The following NDC80 variants were observed in gnomAD, a reference collection of about 807,000 sequenced individuals.
The protein encoded by NDC80 is kinetochore protein NDC80 homolog.
A neutral mutation model predicts 89.3 loss-of-function variants in NDC80; 69 were observed. The observed-to-expected ratio is 0.77, with a 90% CI of 0.64 to 0.94. The LOEUF is 0.94. Among genes scored for constraint, NDC80 ranks in the 40% least tolerant of loss-of-function variants. The pLI is 0.00. For synonymous variants in NDC80, 243 were observed against 255.6 expected, an observed-to-expected ratio of 0.95 and a Z score of 0.47; for missense variants, 593 against 739.6, an observed-to-expected ratio of 0.80 and a Z score of 2.30.
Position 2,610,817 on chromosome 18 carries a change from C to T in NDC80, c.1747C>T (p.Gln583Ter). ...AAGACGAAAAGTGGGAAATAACTTG[C>T]AACGTCTGTTAGAGATGGTTGCTAC... ...EERRKVGNNLQRLLEMVATHV... is the reference protein window; with the variant it reads ...EERRKVGNNL Residue 583 changes from glutamine to a stop codon, truncating the protein, a stop_gained, in exon 16 of 17, where the codon CAA becomes TAA. Transcript: ENST00000261597. LOFTEE classifies it high-confidence loss of function. 6.3e-7 allele frequency: 1 copy of T among 1,591,204 alleles called. No homozygotes were observed. The highest frequency in any genetic ancestry group is 2.3e-5 in the East Asian group (1 of 44,400).
chr18:2,577,713 G>A (rs1221282506), intron 3 of NDC80, 33 bp from the exon 4 acceptor site: 12 of 1,609,128 alleles, frequency 7.5e-6, no homozygotes, highest in Non-Finnish European at 1.0e-5. Context: ...GAAGCAAATA[G>A]TTTTAACTGG....
rs2084759844 is a variant in NDC80 at position 2,595,435 on chromosome 18, A to G, written c.1035A>G (p.Ile345Met). Reference protein sequence around the residue: ...IARVELECETIKQENTRLQNI... With the variant: ...IARVELECETMKQENTRLQNI... ...ACACAGAACTAGAATGTGAAACAAT[A>G]AAACAGGAGAACACTCGACTACAGA... is the stretch of plus-strand genomic sequence containing the variant. The change falls in exon 11 of 17, where the codon ATA becomes ATG. Residue 345 changes from isoleucine to methionine, a missense_variant. Physicochemically the swap from Ile to Met is conservative, Grantham distance 10. Coordinates refer to ENST00000261597, the MANE Select transcript of NDC80 (RefSeq NM_006101.3). 6.2e-7 allele frequency: 1 copy of G among 1,613,550 alleles called. No homozygotes were observed. The highest frequency in any genetic ancestry group is 1.7e-5 in the Admixed American group (1 of 59,988).
chr18:2,590,972 A>C (rs2072624801), intron 10 of NDC80, among the ~76,000 whole-genome samples: 1 of 152,126 alleles, frequency 6.6e-6, no homozygotes, highest in Non-Finnish European at 1.5e-5. Context: ...TCCTGGGTTC[A>C]AATAATCCTC....
intron 13 of NDC80, among the ~76,000 whole-genome samples, chr18:2,604,640 C>T (rs1319307242): frequency 6.6e-6 from 1 of 152,136 alleles, no homozygotes; most frequent in Non-Finnish European, 1.5e-5. Context: ...GAGATTGTGC[C>T]ACTGCACTCC....
At chr18:2,593,733 T>C (rs916130429) in intron 10 of NDC80, 3 of 221,098 alleles carry the variant, frequency 1.4e-5, no homozygotes, top group African/African-American at 7.1e-5. Context: ...TCTCATCATA[T>C]ACCAGTATAT....
intron 8 of NDC80, 109 bp downstream of exon 8, chr18:2,588,032 G>A (rs560666735): frequency 1.2e-5 from 9 of 727,006 alleles, no homozygotes; most frequent in East Asian, 2.8e-5. Flanking sequence ...TACTTTAAAT[G>A]TATCTGGATG....
intron 16 of NDC80, chr18:2,614,433 CTCAAAAAAAGAAAGAAAGAAAGAAAGAA>C (rs1224234477): frequency 1.1e-5 from 2 of 181,144 alleles, no homozygotes; most frequent in African/African-American, 5.5e-5. Context: ...AAGATGCTGT[CTCAAAAAAAGAAAGAAAGAAAGAAAGAA>C]AGAAAGAAAG....
chr18:2,578,971 C>A lies in NDC80; in HGVS notation c.521C>A (p.Ala174Asp). Residue 174 changes from alanine to aspartate, a missense_variant, in exon 6 of 17, where the codon GCT becomes GAT. By Grantham distance (126) the Ala-to-Asp change is moderately radical. Coordinates refer to ENST00000261597, the MANE Select transcript of NDC80 (RefSeq NM_006101.3). ...LSKSSMYTVGAPHTWPHIVAA... is the reference protein window; with the variant it reads ...LSKSSMYTVGDPHTWPHIVAA... ...AAAAGCTCCATGTACACAGTGGGGG[C>A]TCCTCATACATGGCCTCACATTGTG... 1 of 1,571,780 alleles carries A rather than the reference C, an allele frequency of 6.4e-7. No homozygotes were observed. Among genetic ancestry groups the A allele is most frequent in the Non-Finnish European group, 8.6e-7 (1 of 1,159,158 alleles).
At chr18:2,607,083 T>G (rs1040153626) in intron 14 of NDC80, among the ~76,000 whole-genome samples, 1 of 152,200 alleles carries the variant, frequency 6.6e-6, no homozygotes, top group African/African-American at 2.4e-5. Flanking sequence ...TGCCAATATT[T>G]TTTACTTATG....
In NDC80 at chr18:2,589,286, G is replaced by A. The variant is rs139422913; in HGVS notation, c.846G>A (p.Leu282=). The A allele has an allele frequency of 2.5e-6, 4 of 1,613,262 alleles. No individual in the cohort carries two copies. In the African/African-American group the frequency reaches 5.3e-5, roughly 22 times the overall value. The stretch of plus-strand genomic sequence containing the variant: ...CATTGAATGAACAGATTGCAAGATT[G>A]GAACAAGAAAGAGAAAAAGAACCGG... ...NRALNEQIAR[L]EQEREKEPNR... The change falls in exon 9 of 17, where the codon TTG becomes TTA. Residue 282 remains leucine (L), a synonymous_variant. Coordinates refer to ENST00000261597, the MANE Select transcript of NDC80 (RefSeq NM_006101.3).
In NDC80 at chr18:2,574,104, A is replaced by T. The variant is rs189884932; in HGVS notation, c.102-885A>T. On this transcript the variant is annotated intron_variant, in intron 2 of 16. Coordinates refer to ENST00000261597, the MANE Select transcript of NDC80 (RefSeq NM_006101.3). ...ACCTACACTTTTCTTTCTCTTGGTAAATAAGTGAAATAAGCAGGGAACAGA... is the reference window on the plus strand; with the variant it reads ...ACCTACACTTTTCTTTCTCTTGGTATATAAGTGAAATAAGCAGGGAACAGA... Among the ~76,000 whole-genome samples the T allele has an allele frequency of 1.8e-4, 27 of 152,308 alleles. No homozygotes were observed. The East Asian group carries it at 2.9e-3, about 16-fold the overall frequency.
intron 10 of NDC80, among the ~76,000 whole-genome samples, chr18:2,593,015 T>TGTGG (rs1277066563): frequency 1.7e-5 from 1 of 59,462 alleles, no homozygotes; most frequent in Admixed American, 1.4e-4. Context: ...TAAACTCTGG[T>TGTGG]GTGTGTGTGT....
At chr18:2,577,609 T>C in intron 3 of NDC80, 137 bp from the exon 4 acceptor site, 1 of 946,288 alleles carries the variant, frequency 1.1e-6, no homozygotes, top group Non-Finnish European at 1.6e-6. Flanking sequence ...TTCTCTGCTT[T>C]AAATAAGAGA....
chr18:2,611,715 T>A (rs2072745329), intron 16 of NDC80, among the ~76,000 whole-genome samples: 1 of 152,120 alleles, frequency 6.6e-6, no homozygotes, highest in Non-Finnish European at 1.5e-5. Context: ...ACTATAAAAT[T>A]CTTGGTTAAT....
chr18:2,599,960 C>T (rs984260871), intron 12 of NDC80, among the ~76,000 whole-genome samples: 2 of 152,106 alleles, frequency 1.3e-5, no homozygotes, highest in African/African-American at 4.8e-5. Flanking sequence ...CCCTACTTTA[C>T]CAGAGAGAAC....
intron 15 of NDC80, among the ~76,000 whole-genome samples, chr18:2,609,426 G>T (rs1376255508): frequency 1.3e-5 from 2 of 152,102 alleles, no homozygotes; most frequent in African/African-American, 4.8e-5. Context: ...TACTCATGAG[G>T]CCGAGACAGG....
At chr18:2,578,381 G>C (rs2072558926) in intron 5 of NDC80, among the ~76,000 whole-genome samples, 2 of 152,160 alleles carry the variant, frequency 1.3e-5, no homozygotes, top group African/African-American at 4.8e-5. Flanking sequence ...CAAGTTTGAT[G>C]ATGGGTACAG....
At chr18:2,579,957 G>T (rs1193229719) in intron 6 of NDC80, among the ~76,000 whole-genome samples, 1 of 152,056 alleles carries the variant, frequency 6.6e-6, no homozygotes, top group Non-Finnish European at 1.5e-5. Context: ...GTGTGTATAT[G>T]TGTATATGTG....
Position 2,579,016 on chromosome 18 carries a change from T to G in NDC80, c.566T>G (p.Ile189Arg), listed in dbSNP as rs2143633813. Residue 189 changes from isoleucine to arginine, a missense_variant, in exon 6 of 17, where the codon ATA (isoleucine) becomes AGA (arginine). Transcript: ENST00000261597. ...PHIVAALVWL[I>R]DCIKIHTAMK... is the part of the protein sequence containing the mutation. ...ATTGTGGCAGCCTTAGTTTGGCTAA[T>G]AGACTGCATCAAGGTATTTGATTTG... 6.4e-7 allele frequency: 1 copy of G among 1,557,878 alleles called. No homozygotes were observed. Among genetic ancestry groups the G allele is most frequent in the East Asian group, 2.4e-5 (1 of 42,006 alleles).
Sources: gnomAD v4.1 joint callset for allele counts (sites outside exome capture counted in the v4.1 genomes callset) on GRCh38, gnomAD v4.1.1 for gene constraint, MANE v1.5 for transcripts, NCBI Gene and HGNC (gene_info 2026-07-23, HGNC 2026-07-21) for gene names.